MYO7A: variants seen among roughly 807,000 people sequenced by gnomAD.
MYO7A encodes unconventional myosin-VIIa.
Under a neutral mutation model 263.8 loss-of-function variants are expected in MYO7A, and 210 were observed. The observed-to-expected ratio is 0.80, with a 90% CI of 0.71 to 0.89. The LOEUF (loss-of-function observed/expected upper bound fraction) is 0.89. Ranked by LOEUF, MYO7A falls within the 40% of genes least tolerant of loss-of-function variation. MYO7A has a pLI of 0.00. For missense variants in MYO7A, 2,820 were observed against 2,968.3 expected (o/e 0.95, Z 1.16); for synonymous variants, 1,239 against 1,197.3 (o/e 1.03, Z -0.72).
intron 2 of MYO7A, chr11:77,142,420 T>G: frequency 4.9e-5 from 17 of 350,232 alleles, no homozygotes; most frequent in East Asian, 8.3e-5. Flanking sequence ...TGTAGATCCA[T>G]GGGGAGAGCT....
At chr11:77,139,742 G>C (rs554084589) in intron 2 of MYO7A, among the ~76,000 whole-genome samples, 1 of 152,236 alleles carries the variant, frequency 6.6e-6, no homozygotes, top group Admixed American at 6.5e-5. Flanking sequence ...TTTTGGTCCT[G>C]GCTCTGTCCT....
In MYO7A at chr11:77,137,237, C is replaced by T. The variant is rs542283209; in HGVS notation, c.19-5472C>T. On this transcript the variant is annotated intron_variant, in intron 2 of 48. Transcript: ENST00000409709. ...GTCAGCTTCGTGCTGGACAGCAGAG[C>T]CCTGGGTTCCCAAGGCTGGGACAGG... is the stretch of plus-strand genomic sequence containing the variant. Among the ~76,000 whole-genome samples, 151 of 152,248 alleles carry T rather than the reference C, an allele frequency of 9.9e-4. 1 individual carries two copies. Among genetic ancestry groups the T allele is most frequent in the African/African-American group, 3.4e-3 (143 of 41,552 alleles).
chr11:77,193,102 T>G lies in MYO7A; in HGVS notation c.4152+824T>G, dbSNP rs1008309312. Among the ~76,000 whole-genome samples the G allele has an allele frequency of 3.8e-4, 39 of 103,520 alleles. 3 individuals are homozygous for G. The highest frequency in any genetic ancestry group is 1.5e-3 in the African/African-American group (37 of 24,372). The allele number at this position is 103,520 out of a possible 152,430, so 67.9% of individuals were successfully genotyped here. On this transcript the variant is annotated intron_variant, in intron 31 of 48. Coordinates refer to ENST00000409709, the MANE Select transcript of MYO7A (RefSeq NM_000260.4). ...TAGTTGTTTGTGATGGTGGAGGTAG[T>G]GATGCTGTTGGTGATGGTGGAGGTA...
chr11:77,207,441 C>T lies in MYO7A; in HGVS notation c.5856+39C>T, dbSNP rs1957524913. ...CACCTTCGCCAAGGTGGGAGATTTG[C>T]TGGGGCCATAGGAACTTACGGACAG... On this transcript the variant is annotated intron_variant, in intron 42 of 48. Coordinates refer to ENST00000409709, the MANE Select transcript of MYO7A (RefSeq NM_000260.4). 1.1e-5 allele frequency: 16 copies of T among 1,438,224 alleles called. No homozygotes were observed. The East Asian group carries it at 3.6e-4, about 32-fold the overall frequency. The allele number at this position is 1,438,224 out of a possible 1,614,324, so 89.1% of individuals were successfully genotyped here. A position where few individuals can be genotyped will look rare whatever the true frequency, so the allele number is the denominator to read the frequency against.
Position 77,138,321 on chromosome 11 carries a change from C to CGCCGACCCTGCCGACCCT in MYO7A, c.19-4371_19-4370insTGCCGACCCTGCCGACCC, listed in dbSNP as rs140918712. On this transcript the variant is annotated intron_variant, in intron 2 of 48. Transcript: ENST00000409709. This position sits in a 1 kb window ranked among gnomAD's most constrained non-coding sequence, Gnocchi z 4.9. ...GCCGTCGCAGCGCCATGGAGGACCC[C>CGCCGACCCTGCCGACCCT]GCCGACCCTGCCGACCCCGCGCGCA... Among the ~76,000 whole-genome samples, 12 of 151,964 alleles carry CGCCGACCCTGCCGACCCT rather than the reference C, an allele frequency of 7.9e-5. No individual in the cohort carries two copies. Among genetic ancestry groups the CGCCGACCCTGCCGACCCT allele is most frequent in the Admixed American group, 3.9e-4 (6 of 15,278 alleles).
chr11:77,186,832 CT>C (rs1955680180), intron 27 of MYO7A, among the ~76,000 whole-genome samples: 1 of 152,210 alleles, frequency 6.6e-6, no homozygotes, highest in Non-Finnish European at 1.5e-5. Context: ...TGGTTAACTG[CT>C]TTGCACAAGA....
intron 32 of MYO7A, among the ~76,000 whole-genome samples, chr11:77,197,079 C>T (rs1175274099): frequency 5.9e-5 from 9 of 152,180 alleles, no homozygotes; most frequent in African/African-American, 2.2e-4. Flanking sequence ...CACGCTGTGT[C>T]CCCATTCCCT....
chr11:77,130,511 G>A (rs1950737110), intron 1 of MYO7A, 78 bp from the exon 2 acceptor site: 1 of 1,134,500 alleles, frequency 8.8e-7, no homozygotes, highest in East Asian at 2.6e-5. Context: ...TTTGGGAGGA[G>A]CCCAGGTGAC....
chr11:77,148,246 C>G lies in MYO7A; in HGVS notation c.285+296C>G, dbSNP rs568479070. Among the ~76,000 whole-genome samples the G allele has an allele frequency of 9.7e-4, 147 of 152,306 alleles. 1 individual carries two copies. Among genetic ancestry groups the G allele is most frequent in the African/African-American group, 3.4e-3 (142 of 41,572 alleles). ...CTAGGCCTTGAAACCAATGGGAGGC[C>G]AGGGTGGAGTCAGTGAGCGGCTTGG... On this transcript the variant is annotated intron_variant, in intron 4 of 48. Transcript: ENST00000409709.
chr11:77,183,307 A>T, intron 26 of MYO7A, 150 bp downstream of exon 26: 1 of 709,670 alleles, frequency 1.4e-6, no homozygotes, highest in South Asian at 1.6e-5. Flanking sequence ...GGGACAGGAC[A>T]ACATGAGTGG....
Position 77,166,072 on chromosome 11 carries a change from C to T in MYO7A, c.1707C>T (p.Asn569=). ...TGCTTGCAGGCTTCCTGGAGAAGAA[C>T]CGAGACACCCTGCATGGGGACATTA... ...YYETQGFLEK[N]RDTLHGDIIQ... Residue 569 remains asparagine (N), a synonymous_variant, in exon 15 of 49, where the codon AAC becomes AAT. Transcript: ENST00000409709. The T allele has an allele frequency of 1.2e-6, 2 of 1,613,678 alleles. No homozygotes were observed. Among genetic ancestry groups the T allele is most frequent in the East Asian group, 2.2e-5 (1 of 44,858 alleles).
chr11:77,167,109 C>CT (rs1374969001), intron 15 of MYO7A, among the ~76,000 whole-genome samples: 37 of 151,958 alleles, frequency 2.4e-4, no homozygotes, highest in Middle Eastern at 3.2e-3. Flanking sequence ...GCTTTTTCTC[C>CT]TTTTTTTTGG....
intron 14 of MYO7A, among the ~76,000 whole-genome samples, chr11:77,164,331 C>G (rs962782977): frequency 1.3e-5 from 2 of 152,176 alleles, no homozygotes; most frequent in Middle Eastern, 3.4e-3. Flanking sequence ...GCCATACAGC[C>G]TCAAGGGGTC....
rs397516326 is a variant in MYO7A at position 77,208,775 on chromosome 11, TG to T, written c.6025del (p.Ala2009ProfsTer32). On this transcript the variant is annotated frameshift_variant, in exon 44 of 49. Coordinates refer to ENST00000409709, the MANE Select transcript of MYO7A (RefSeq NM_000260.4). LOFTEE classifies it high-confidence loss of function. ...ACCACGGTGCCAGGGAAGGATCCCATGGCCGATTCCATCTTCCACTATTACC... is the reference window on the plus strand; with the variant it reads ...ACCACGGTGCCAGGGAAGGATCCCATGCCGATTCCATCTTCCACTATTACC... ...WTTTVPGKDP[M>X]ADSIFHYYQE... is the part of the protein sequence containing the mutation. The T allele has an allele frequency of 5.0e-5, 79 of 1,573,846 alleles. No homozygotes were observed. Among genetic ancestry groups the T allele is most frequent in the Non-Finnish European group, 6.6e-5 (76 of 1,159,370 alleles).
chr11:77,178,941 G>C, intron 19 of MYO7A, 104 bp from the exon 20 acceptor site: 2 of 843,852 alleles, frequency 2.4e-6, no homozygotes, highest in Non-Finnish European at 3.9e-6. Flanking sequence ...CATATAGCTA[G>C]GAAGTCACAG....
chr11:77,155,778 C>A, intron 4 of MYO7A, 129 bp from the exon 5 acceptor site: 1 of 1,016,142 alleles, frequency 9.8e-7, no homozygotes, highest in Non-Finnish European at 1.4e-6. Context: ...GGCTCCAGGT[C>A]CACCCACATG....
chr11:77,148,616 G>C (rs183594161), intron 4 of MYO7A, among the ~76,000 whole-genome samples: 1 of 152,232 alleles, frequency 6.6e-6, no homozygotes, highest in East Asian at 1.9e-4. Flanking sequence ...TGGTCACAGG[G>C]ACCCTTTATG....
In MYO7A at chr11:77,199,556, A is replaced by G. The variant is rs1383670276; in HGVS notation, c.4590A>G (p.Ser1530=). The change falls in exon 35 of 49, where the codon TCA becomes TCG. Residue 1530 remains serine (S), a synonymous_variant. Transcript: ENST00000409709. The part of the protein sequence containing the change: ...SSSRECRVWL[S]LGCSDLGCAA... ...TCAGGGAGTGCCGTGTCTGGCTCTC[A>G]CTGGGCTGCTCTGATCTTGGCTGTG... 6.6e-7 allele frequency: 1 copy of G among 1,518,094 alleles called. No individual in the cohort carries two copies. The highest frequency in any genetic ancestry group is 8.9e-7 in the Non-Finnish European group (1 of 1,126,470). The allele number at this position is 1,518,094 out of a possible 1,614,324, so 94.0% of individuals were successfully genotyped here. A position where few individuals can be genotyped will look rare whatever the true frequency, so the allele number is the denominator to read the frequency against.
chr11:77,183,305 A>C, intron 26 of MYO7A, 148 bp downstream of exon 26: 1 of 716,510 alleles, frequency 1.4e-6, no homozygotes, highest in African/African-American at 1.8e-5. Context: ...CAGGGACAGG[A>C]CAACATGAGT....
Sources: gnomAD v4.1 joint callset for allele counts (sites outside exome capture counted in the v4.1 genomes callset) on GRCh38, gnomAD v4.1.1 for gene constraint, Gnocchi (gnomAD v3.1) non-coding constraint, MANE v1.5 for transcripts, NCBI Gene and HGNC (gene_info 2026-07-23, HGNC 2026-07-21) for gene names.